Variants in CAMK4 observed in about 807,000 individuals in gnomAD.
The protein encoded by CAMK4 is calcium/calmodulin-dependent protein kinase type IV.
In CAMK4, 22 loss-of-function variants were observed where a neutral mutation model predicts 44.9. The ratio of observed to expected loss-of-function variants is 0.49; its 90% CI spans 0.35 to 0.70. CAMK4 has a LOEUF of 0.70. CAMK4 is among the 30% of genes least tolerant of loss of function. The probability of loss-of-function intolerance (pLI) is 0.01; values close to 1 mark genes in which losing one functional copy is unlikely to be tolerated. For missense variants in CAMK4, 498 were observed against 586.8 expected (o/e 0.85, Z 1.56); for synonymous variants, 218 against 215.4 (o/e 1.01, Z -0.11).
rs147684972 is a variant in CAMK4, at chr5:111,316,289, A to T, written c.162-27735A>T. Among the ~76,000 whole-genome samples, 363 of 152,190 alleles carry T rather than the reference A, an allele frequency of 2.4e-3. 3 individuals are homozygous for T. The highest frequency in any genetic ancestry group is 0.016 in the South Asian group (76 of 4,822). On this transcript the variant is annotated intron_variant, in intron 1 of 10. Coordinates refer to ENST00000282356, the MANE Select transcript of CAMK4 (RefSeq NM_001744.6). ...TCAGCTCAGTTCTTTTTCTATGACC[A>T]TCCTTTGCTGTTTCAATTTGAGGTA...
chr5:111,307,259 TA>T (rs1747966245), intron 1 of CAMK4, among the ~76,000 whole-genome samples: 1 of 14,038 alleles, frequency 7.1e-5, no homozygotes, highest in Non-Finnish European at 1.1e-4. Flanking sequence ...GGGATCTAAT[TA>T]AACTAAAGAG....
At chr5:111,480,248 A>AC (rs1755385869) in intron 9 of CAMK4, among the ~76,000 whole-genome samples, 3 of 130,306 alleles carry the variant, frequency 2.3e-5, no homozygotes, top group South Asian at 2.5e-4. Context: ...ATAGGCATGT[A>AC]AACACACACA....
At chr5:111,234,224 A>C (rs1352944244) in intron 1 of CAMK4, among the ~76,000 whole-genome samples, 2 of 152,196 alleles carry the variant, frequency 1.3e-5, no homozygotes, top group Non-Finnish European at 2.9e-5. Flanking sequence ...AAATATACAG[A>C]TAAATATGCA....
chr5:111,443,279 T>TATACACACAC (rs1401315422), intron 5 of CAMK4, among the ~76,000 whole-genome samples: 1 of 37,462 alleles, frequency 2.7e-5, no homozygotes, highest in African/African-American at 8.5e-5. Flanking sequence ...TATATATATA[T>TATACACACAC]ACACACACAC....
At chr5:111,417,711 A>T (rs957934333) in intron 5 of CAMK4, among the ~76,000 whole-genome samples, 2 of 152,196 alleles carry the variant, frequency 1.3e-5, no homozygotes, top group African/African-American at 4.8e-5. Flanking sequence ...CAAAATGATT[A>T]TAGGAAATTT....
At chr5:111,272,794 A>G (rs928834471) in intron 1 of CAMK4, among the ~76,000 whole-genome samples, 23 of 152,198 alleles carry the variant, frequency 1.5e-4, no homozygotes, top group African/African-American at 4.8e-4. Context: ...ACTTCTCTGT[A>G]TAATCCTTGT....
intron 4 of CAMK4, among the ~76,000 whole-genome samples, chr5:111,386,888 C>T (rs1213225834): frequency 6.6e-6 from 1 of 152,200 alleles, no homozygotes; most frequent in Non-Finnish European, 1.5e-5. Flanking sequence ...CCTGTAGGAA[C>T]TGGAGTCTCA....
In CAMK4 at chr5:111,314,971, T is replaced by TG. The variant is rs199885781; in HGVS notation, c.162-29052dup. On this transcript the variant is annotated intron_variant, in intron 1 of 10. Coordinates refer to ENST00000282356, the MANE Select transcript of CAMK4 (RefSeq NM_001744.6). The stretch of plus-strand genomic sequence containing the variant: ...AAGTATCTTATCAAAGATAAGATAC[T>TG]GCAGTAGCAAAATGACATGATTAAA... Among the ~76,000 whole-genome samples the TG allele has an allele frequency of 3.8e-3, 576 of 152,218 alleles. 3 individuals carry two copies. The highest frequency in any genetic ancestry group is 0.014 in the African/African-American group (566 of 41,582).
intron 5 of CAMK4, among the ~76,000 whole-genome samples, chr5:111,427,593 T>C (rs1753274043): frequency 6.6e-6 from 1 of 152,186 alleles, no homozygotes; most frequent in South Asian, 2.1e-4. Context: ...TAAGGGAACA[T>C]TGGCAGTAGT....
intron 4 of CAMK4, among the ~76,000 whole-genome samples, chr5:111,386,497 A>G (rs1344528698): frequency 1.3e-5 from 2 of 152,148 alleles, no homozygotes; most frequent in East Asian, 1.9e-4. Flanking sequence ...GCCTCAGGAT[A>G]TGATCAGATT....
At chr5:111,300,636 A>T (rs1340799509) in intron 1 of CAMK4, among the ~76,000 whole-genome samples, 1 of 152,214 alleles carries the variant, frequency 6.6e-6, no homozygotes, top group South Asian at 2.1e-4. Context: ...AAATGAATAA[A>T]TGAGTTTTTT....
intron 4 of CAMK4, among the ~76,000 whole-genome samples, chr5:111,379,393 A>G (rs1225397823): frequency 6.6e-6 from 1 of 152,162 alleles, no homozygotes; most frequent in Non-Finnish European, 1.5e-5. Context: ...TGGATGAAAT[A>G]TTCATATTTA....
chr5:111,413,406 GTC>G (rs966004628), intron 5 of CAMK4, among the ~76,000 whole-genome samples: 19 of 151,932 alleles, frequency 1.3e-4, no homozygotes, highest in Admixed American at 1.0e-3. Context: ...GTGAAACCCT[GTC>G]TCTACTAAAA....
chr5:111,286,296 G>A (rs564035788), intron 1 of CAMK4, among the ~76,000 whole-genome samples: 2 of 152,190 alleles, frequency 1.3e-5, no homozygotes, highest in African/African-American at 2.4e-5. Context: ...ACCTTTGTCC[G>A]GTGTTGTATA....
At chr5:111,300,350 G>T (rs1444780999) in intron 1 of CAMK4, among the ~76,000 whole-genome samples, 2 of 152,180 alleles carry the variant, frequency 1.3e-5, no homozygotes, top group African/African-American at 4.8e-5. Context: ...ACTTTGCCTT[G>T]TGGGGGAGTA....
chr5:111,321,809 C>T (rs369442271), intron 1 of CAMK4, among the ~76,000 whole-genome samples: 1 of 152,126 alleles, frequency 6.6e-6, no homozygotes, highest in African/African-American at 2.4e-5. Flanking sequence ...AAAAAGCTGC[C>T]TGGAACACCA....
chr5:111,309,495 G>T (rs2112666341), intron 1 of CAMK4, among the ~76,000 whole-genome samples: 1 of 152,154 alleles, frequency 6.6e-6, no homozygotes, highest in Middle Eastern at 3.4e-3. Flanking sequence ...ATCCCCATAA[G>T]GTCTCACTAA....
At position 111,484,280 on chromosome 5, in the gene CAMK4, G is replaced by A. The variant is rs745545387; in HGVS notation, c.1236G>A (p.Glu412=). ...KVKGADINAE[E]APKMVPKAVE... is the part of the protein sequence containing the mutation. ...AAGGTGCAGATATAAATGCTGAAGA[G>A]GCCCCCAAAATGGTGCCCAAGGCAG... The change falls in exon 11 of 11, where the codon GAG becomes GAA. Residue 412 remains glutamate (E), a synonymous_variant. Transcript: ENST00000282356. The surrounding 1 kb of genome is among the most constrained non-coding windows in gnomAD (Gnocchi z 5.3). The A allele has an allele frequency of 1.9e-6, 3 of 1,614,070 alleles. No homozygotes were observed. Among genetic ancestry groups the A allele is most frequent in the Non-Finnish European group, 2.5e-6 (3 of 1,180,012 alleles).
At chr5:111,391,263 A>C (rs1321547197) in intron 4 of CAMK4, among the ~76,000 whole-genome samples, 2 of 152,182 alleles carry the variant, frequency 1.3e-5, no homozygotes, top group Non-Finnish European at 2.9e-5. Context: ...GAATGAGGGC[A>C]TATTTTTGAA....
Sources: allele counts gnomAD v4.1 joint callset (sites outside exome capture counted in the v4.1 genomes callset), GRCh38; gene constraint gnomAD v4.1.1; non-coding constraint Gnocchi (gnomAD v3.1); transcripts MANE v1.5; gene names NCBI Gene and HGNC (gene_info 2026-07-23, HGNC 2026-07-21).